TBC1D1: variants seen among roughly 807,000 people sequenced by gnomAD.
TBC1D1 encodes TBC1 domain family member 1.
A neutral mutation model predicts 125.6 loss-of-function variants in TBC1D1; 89 were observed. The observed-to-expected ratio is 0.71, with a 90% CI of 0.60 to 0.85. The LOEUF is 0.85. Among genes scored for constraint, TBC1D1 ranks in the 40% least tolerant of loss-of-function variants. The pLI is 0.00. For missense variants in TBC1D1, 1,377 were observed against 1,469.2 expected, an observed-to-expected ratio of 0.94 and a Z score of 1.03; for synonymous variants, 565 against 564.1, an observed-to-expected ratio of 1.00 and a Z score of -0.02.
At chr4:38,063,668 G>A (rs913643555) in intron 12 of TBC1D1, among the ~76,000 whole-genome samples, 2 of 150,450 alleles carry the variant, frequency 1.3e-5, no homozygotes, top group African/African-American at 4.9e-5. Flanking sequence ...TTGCTCTGTC[G>A]CCCAGGCTGG....
chr4:38,057,331 C>T (rs1446669777), intron 12 of TBC1D1, among the ~76,000 whole-genome samples: 1 of 152,210 alleles, frequency 6.6e-6, no homozygotes, highest in African/African-American at 2.4e-5. Context: ...TGGCTCCCTC[C>T]CTCCCCTTCC....
At chr4:37,976,188 A>T (rs1365052793) in intron 2 of TBC1D1, among the ~76,000 whole-genome samples, 1 of 152,250 alleles carries the variant, frequency 6.6e-6, no homozygotes, top group African/African-American at 2.4e-5. Context: ...ACAGCAAGAA[A>T]CAGAGGCCCT....
At chr4:38,111,367 T>C (rs1762172967) in intron 15 of TBC1D1, among the ~76,000 whole-genome samples, 1 of 152,216 alleles carries the variant, frequency 6.6e-6, no homozygotes, top group Non-Finnish European at 1.5e-5. Flanking sequence ...CCAAAGAGCT[T>C]CTGTTTCCAT....
At chr4:38,064,274 G>A (rs1019121579) in intron 12 of TBC1D1, among the ~76,000 whole-genome samples, 7 of 152,150 alleles carry the variant, frequency 4.6e-5, no homozygotes, top group Non-Finnish European at 7.3e-5. Context: ...TGGCTGTTAC[G>A]GATAATACCG....
At chr4:37,921,109 CAAAA>C (rs1188232681) in intron 2 of TBC1D1, among the ~76,000 whole-genome samples, 3,281 of 71,710 alleles carry the variant, frequency 0.046, 93 homozygotes, top group East Asian at 0.29. Context: ...GACTCCGTCT[CAAAA>C]AAAAAAAAAA....
intron 2 of TBC1D1, among the ~76,000 whole-genome samples, chr4:37,982,016 C>T (rs1184306223): frequency 6.6e-6 from 1 of 152,158 alleles, no homozygotes; most frequent in African/African-American, 2.4e-5. Flanking sequence ...TGCAAATAAC[C>T]GAGTAACTAA....
At chr4:38,057,875 A>G (rs1245391385) in intron 12 of TBC1D1, among the ~76,000 whole-genome samples, 2 of 152,190 alleles carry the variant, frequency 1.3e-5, no homozygotes, top group Admixed American at 1.3e-4. Context: ...TCTGAGCTCC[A>G]AAGCTCATTC....
At chr4:37,951,895 A>G in intron 2 of TBC1D1, 1 of 696,632 alleles carries the variant, frequency 1.4e-6, no homozygotes, top group Non-Finnish European at 2.7e-6. Flanking sequence ...CATGGAGTTC[A>G]GGTGATAATG....
intron 6 of TBC1D1, among the ~76,000 whole-genome samples, chr4:38,024,621 G>C (rs1022740328): frequency 1.6e-4 from 24 of 152,188 alleles, no homozygotes; most frequent in African/African-American, 5.6e-4. Context: ...CCTACATGAT[G>C]GAACTCATTT....
intron 12 of TBC1D1, among the ~76,000 whole-genome samples, chr4:38,075,349 C>A (rs1755407356): frequency 6.6e-6 from 1 of 152,180 alleles, no homozygotes. Flanking sequence ...AACCCGAGTT[C>A]CCCACTTGCC....
intron 2 of TBC1D1, among the ~76,000 whole-genome samples, chr4:37,932,128 G>T (rs543583120): frequency 1.3e-5 from 2 of 152,322 alleles, no homozygotes; most frequent in South Asian, 4.1e-4. Flanking sequence ...TGAATCTTCA[G>T]TGAGAGCTAT....
At chr4:38,023,396 A>G (rs908501118) in intron 6 of TBC1D1, among the ~76,000 whole-genome samples, 3 of 152,246 alleles carry the variant, frequency 2.0e-5, no homozygotes, top group Non-Finnish European at 2.9e-5. Flanking sequence ...CATGCCCTTC[A>G]TTGGCATTAA....
At chr4:37,980,284 T>C (rs534424097) in intron 2 of TBC1D1, among the ~76,000 whole-genome samples, 2 of 152,342 alleles carry the variant, frequency 1.3e-5, no homozygotes, top group East Asian at 3.9e-4. Context: ...CAGGTGTACA[T>C]TGCATCAAGA....
chr4:37,941,602 T>C (rs1337500400), intron 2 of TBC1D1, among the ~76,000 whole-genome samples: 1 of 152,238 alleles, frequency 6.6e-6, no homozygotes, highest in Non-Finnish European at 1.5e-5. Context: ...TCTAGTTCTT[T>C]TAATTGTGAT....
chr4:38,103,035 T>C lies in TBC1D1; in HGVS notation c.2435T>C (p.Phe812Ser). 2 of 1,614,136 alleles carry C rather than the reference T, an allele frequency of 1.2e-6. No individual in the cohort carries two copies. Among genetic ancestry groups the C allele is most frequent in the Non-Finnish European group, 1.7e-6 (2 of 1,180,018 alleles). ...CATCACCGAGGTGAAATCTGGAAAT[T>C]TCTAGCTGAGCAATTCCACCTTAAA... Residue 812 changes from phenylalanine to serine, a missense_variant, in exon 15 of 20, where the codon TTT becomes TCT. Phe to Ser is a radical substitution (Grantham distance 155, BLOSUM62 -2). This residue lies in a region of TBC1D1 where 543 missense variants were observed against 613.5 expected (regional missense o/e 0.89). Transcript: ENST00000261439.
chr4:38,006,645 A>AT (rs372267941), intron 2 of TBC1D1: 220 of 223,880 alleles, frequency 9.8e-4, no homozygotes, highest in Middle Eastern at 5.2e-3. Context: ...CGCCCGGCTA[A>AT]TTTTTTTGTA....
chr4:38,026,692 CTCA>C (rs1203108461), intron 6 of TBC1D1, among the ~76,000 whole-genome samples: 1 of 152,112 alleles, frequency 6.6e-6, no homozygotes, highest in African/African-American at 2.4e-5. Flanking sequence ...TATCAACCGT[CTCA>C]TCATGTGTGA....
chr4:37,995,563 TA>T lies in TBC1D1; in HGVS notation c.418-18943del, dbSNP rs1236445282. The T allele has an allele frequency of 2.4e-6, 1 of 416,568 alleles. No individual in the cohort carries two copies. Among genetic ancestry groups the T allele is most frequent in the African/African-American group, 2.1e-5 (1 of 48,316 alleles). 25.8% of individuals were successfully genotyped at this position (416,568 alleles called of 1,614,324 possible). On this transcript the variant is annotated intron_variant, in intron 2 of 19. Transcript: ENST00000261439. The surrounding 1 kb of genome is among the most constrained non-coding windows in gnomAD (Gnocchi z 4.3). Reference sequence around the variant, plus strand: ...CTCCAGGTTGGTGCTGATGATATGATAAAGCTCAGCACAGAAGGCCTTCAGG... The same window carrying T: ...CTCCAGGTTGGTGCTGATGATATGATAAGCTCAGCACAGAAGGCCTTCAGG...
intron 12 of TBC1D1, among the ~76,000 whole-genome samples, chr4:38,089,570 T>C (rs564675196): frequency 1.3e-5 from 2 of 152,338 alleles, no homozygotes; most frequent in South Asian, 4.1e-4. Context: ...AATTATTGTA[T>C]ATAAAGCTCT....
Sources: allele counts gnomAD v4.1 joint callset (sites outside exome capture counted in the v4.1 genomes callset), GRCh38; gene constraint gnomAD v4.1.1; regional missense constraint gnomAD v4.1.1; non-coding constraint Gnocchi (gnomAD v3.1); transcripts MANE v1.5; gene names NCBI Gene and HGNC (gene_info 2026-07-23, HGNC 2026-07-21).